The following FBXL18 variants were observed in gnomAD, a reference collection of about 807,000 sequenced individuals.
FBXL18 encodes F-box/LRR-repeat protein 18.
FBXL18 carries 36 observed loss-of-function variants against 46.0 expected under a neutral mutation model. The ratio of observed to expected loss-of-function variants is 0.78; its 90% CI spans 0.60 to 1.03. The LOEUF (loss-of-function observed/expected upper bound fraction) is 1.03, where lower values mean the gene tolerates loss of function less well. Ranked by LOEUF, FBXL18 falls within the 50% of genes least tolerant of loss-of-function variation. The probability of loss-of-function intolerance (pLI) is 0.00; values close to 1 mark genes in which losing one functional copy is unlikely to be tolerated. For synonymous variants in FBXL18, 557 were observed against 465.3 expected (o/e 1.20, Z -2.54); for missense variants, 977 against 1,004.1 (o/e 0.97, Z 0.36).
chr7:5,470,841 T>C (rs1434731177), downstream of FBXL18, among the ~76,000 whole-genome samples: 1 of 152,102 alleles, frequency 6.6e-6, no homozygotes, highest in Non-Finnish European at 1.5e-5. Flanking sequence ...CTCTCCTCCT[T>C]CACCCAAGGC....
chr7:5,463,694 C>CTCTATATATATA (rs1554316167), intron 4 of FBXL18, among the ~76,000 whole-genome samples: 4 of 61,500 alleles, frequency 6.5e-5, no homozygotes, highest in African/African-American at 3.3e-4. Flanking sequence ...TGCCCCTGAA[C>CTCTATATATATA]TATATATATA....
Position 5,513,645 on chromosome 7 carries a change from C to T in FBXL18, c.18+12G>A, listed in dbSNP as rs1446442838. 6.2e-7 allele frequency: 1 copy of T among 1,612,030 alleles called. No individual in the cohort carries two copies. The highest frequency in any genetic ancestry group is 8.5e-7 in the Non-Finnish European group (1 of 1,179,102). ...GAGGCAGAAGCAGAGCGGAGACAGTCGCGGACAGTACCTCTCCGGAGCTGG... is the reference window on the plus strand; with the variant it reads ...GAGGCAGAAGCAGAGCGGAGACAGTTGCGGACAGTACCTCTCCGGAGCTGG... On this transcript the variant is annotated intron_variant, in intron 1 of 4. Coordinates refer to ENST00000382368, the MANE Select transcript of FBXL18 (RefSeq NM_024963.6).
chr7:5,505,732 AAAG>A (rs1562705911), intron 1 of FBXL18, 102 bp from the exon 2 acceptor site: 20 of 920,474 alleles, frequency 2.2e-5, no homozygotes, highest in Non-Finnish European at 3.3e-5. Flanking sequence ...TATCCATGGG[AAAG>A]AAGGTGTTTT....
At chr7:5,484,451 CAGAGGG>C (rs994139878) in intron 4 of FBXL18, among the ~76,000 whole-genome samples, 1 of 134,898 alleles carries the variant, frequency 7.4e-6, no homozygotes, top group Non-Finnish European at 1.5e-5. Context: ...GCCTGGGCGA[CAGAGGG>C]AGACTCTGTC....
At position 5,491,261 on chromosome 7, in the gene FBXL18, C is replaced by G. The variant is rs768762285; in HGVS notation, c.1970G>C (p.Cys657Ser). The change falls in exon 4 of 5, where the codon TGC (cysteine) becomes TCC (serine). Residue 657 changes from cysteine to serine, a missense_variant. Cys to Ser is a moderately radical substitution (Grantham distance 112). Coordinates refer to ENST00000382368, the MANE Select transcript of FBXL18 (RefSeq NM_024963.6). ...HLFTGESLAT[C>S]KSLQQSLLRS... ...GAGAAGCGACTGCTGCAGGCTCTTG[C>G]AGGTGGCGAGGGACTCCCCGGTGAA... 56 of 1,612,954 alleles carry G rather than the reference C, an allele frequency of 3.5e-5. No individual in the cohort carries two copies. Among genetic ancestry groups the G allele is most frequent in the Non-Finnish European group, 4.6e-5 (54 of 1,179,732 alleles).
chr7:5,464,882 G>A (rs901894789), intron 4 of FBXL18, among the ~76,000 whole-genome samples: 3 of 151,786 alleles, frequency 2.0e-5, no homozygotes, highest in Non-Finnish European at 4.4e-5. Context: ...TGGACAACAC[G>A]GTGAAACCCC....
intron 2 of FBXL18, among the ~76,000 whole-genome samples, chr7:5,504,915 CAAAAAAAAAAAAAAAAAAAAA>C (rs59985346): frequency 1.0e-4 from 3 of 30,048 alleles, no homozygotes; most frequent in African/African-American, 2.7e-4. Flanking sequence ...GACTCCATCT[CAAAAAAAAAAAAAAAAAAAAA>C]AAAAAAAAAA....
At chr7:5,497,777 G>A (rs560061264) in intron 3 of FBXL18, among the ~76,000 whole-genome samples, 3 of 152,356 alleles carry the variant, frequency 2.0e-5, no homozygotes, top group Admixed American at 2.0e-4. Flanking sequence ...TGGGAAATGG[G>A]AATGATCAAG....
At chr7:5,466,079 A>G (rs1350996340) in intron 4 of FBXL18, among the ~76,000 whole-genome samples, 3 of 151,998 alleles carry the variant, frequency 2.0e-5, no homozygotes, top group Non-Finnish European at 4.4e-5. Context: ...CGGCCTCCCA[A>G]AATGCTGGGA....
chr7:5,511,743 G>C (rs1003260827), intron 1 of FBXL18, among the ~76,000 whole-genome samples: 14 of 150,714 alleles, frequency 9.3e-5, no homozygotes, highest in African/African-American at 3.4e-4. Flanking sequence ...ACTCCAACCT[G>C]GGCGACAGAG....
In FBXL18 at chr7:5,481,738, C is replaced by G. The variant is rs373695699; in HGVS notation, c.*37G>C. 9.7e-5 allele frequency: 156 copies of G among 1,608,944 alleles called. No individual in the cohort carries two copies. Among genetic ancestry groups the G allele is most frequent in the Non-Finnish European group, 1.2e-4 (144 of 1,177,850 alleles). On this transcript the variant is annotated 3_prime_UTR_variant, in exon 5 of 5. Transcript: ENST00000382368. Reference sequence around the variant, plus strand: ...GGCGTCCCAGGCTCCTGCAGCTTCTCGAGGTGACTGAGACCGATGGGCGGC... The same window carrying G: ...GGCGTCCCAGGCTCCTGCAGCTTCTGGAGGTGACTGAGACCGATGGGCGGC...
At position 5,500,794 on chromosome 7, in the gene FBXL18, C is replaced by G; in HGVS notation, c.1475G>C (p.Gly492Ala). ...LPFLEHLELI[G>A]SNFSSAMPRN... ...GGGCATGGCGGAGGAGAAGTTGGAC[C>G]CAATCAGCTCGAGGTGTTCCAGGAA... is the stretch of plus-strand genomic sequence containing the variant. Residue 492 changes from glycine (G) to alanine (A), a missense_variant, in exon 3 of 5, where the codon GGG becomes GCG. Gly to Ala is a moderately conservative substitution (Grantham distance 60, BLOSUM62 0). Coordinates refer to ENST00000382368, the MANE Select transcript of FBXL18 (RefSeq NM_024963.6). 1 of 1,612,650 alleles carries G rather than the reference C, an allele frequency of 6.2e-7. No individual in the cohort carries two copies.
rs904157534 is a variant in FBXL18, at chr7:5,496,987, T to C, written c.1781+3501A>G. Among the ~76,000 whole-genome samples the C allele has an allele frequency of 5.0e-5, 7 of 140,458 alleles. No individual in the cohort carries two copies. Among genetic ancestry groups the C allele is most frequent in the African/African-American group, 1.6e-4 (6 of 36,646 alleles). The allele number at this position is 140,458 out of a possible 152,430, so 92.1% of individuals were successfully genotyped here. ...CAGAGGTTGCAGTGAGCTGAGATCA[T>C]GCCATTGTACTCAAGCCTGGGTGAC... On this transcript the variant is annotated intron_variant, in intron 3 of 4. Coordinates refer to ENST00000382368, the MANE Select transcript of FBXL18 (RefSeq NM_024963.6). The surrounding 1 kb of genome is among the most constrained non-coding windows in gnomAD (Gnocchi z 4.8).
chr7:5,505,269 G>A (rs775870514), intron 2 of FBXL18, 143 bp downstream of exon 2: 4 of 727,982 alleles, frequency 5.5e-6, no homozygotes, highest in Non-Finnish European at 9.1e-6. Flanking sequence ...GTCCCTCAAT[G>A]CATCCTGCAG....
intron 4 of FBXL18, among the ~76,000 whole-genome samples, chr7:5,454,774 C>G (rs527608645): frequency 9.9e-5 from 15 of 152,266 alleles, no homozygotes; most frequent in African/African-American, 3.6e-4. Context: ...CCCATCAGCA[C>G]CCAGGTTGCA....
Position 5,500,481 on chromosome 7 carries a change from C to A in FBXL18, c.1781+7G>T. The A allele has an allele frequency of 6.3e-7, 1 of 1,589,590 alleles. No individual in the cohort carries two copies. The highest frequency in any genetic ancestry group is 8.6e-7 in the Non-Finnish European group (1 of 1,165,796). On this transcript the variant is annotated splice_region_variant and intron_variant, in intron 3 of 4. Coordinates refer to ENST00000382368, the MANE Select transcript of FBXL18 (RefSeq NM_024963.6). ...AGAGGCCCGAGAGGTCCCCGCGGCC[C>A]CCTCACCTGAGGTCCCTCAGCCGCT...
At chr7:5,512,037 C>T (rs923812966) in intron 1 of FBXL18, among the ~76,000 whole-genome samples, 2 of 149,662 alleles carry the variant, frequency 1.3e-5, no homozygotes, top group African/African-American at 2.5e-5. Context: ...AGATTGAGAC[C>T]ATCCTGGCTA....
chr7:5,497,655 G>A (rs1233373616), intron 3 of FBXL18, among the ~76,000 whole-genome samples: 2 of 152,182 alleles, frequency 1.3e-5, no homozygotes, highest in Admixed American at 6.5e-5. Flanking sequence ...CTGCGGGAGA[G>A]GGGAGATTTA....
intron 1 of FBXL18, among the ~76,000 whole-genome samples, chr7:5,507,416 A>AC (rs1364340388): frequency 6.6e-6 from 1 of 152,062 alleles, no homozygotes; most frequent in African/African-American, 2.4e-5. Flanking sequence ...ACAAAGAAGT[A>AC]CCCTCCATCC....
Sources: allele counts gnomAD v4.1 joint callset (sites outside exome capture counted in the v4.1 genomes callset), GRCh38; gene constraint gnomAD v4.1.1; non-coding constraint Gnocchi (gnomAD v3.1); transcripts MANE v1.5; gene names NCBI Gene and HGNC (gene_info 2026-07-23, HGNC 2026-07-21).